The following SGCZ variants were observed in gnomAD, a reference collection of about 807,000 sequenced individuals.
SGCZ encodes the protein zeta-sarcoglycan.
In SGCZ, 40 loss-of-function variants were observed where a neutral mutation model predicts 41.3. That is an observed-to-expected ratio of 0.97 (90% CI 0.75 to 1.26). The LOEUF (loss-of-function observed/expected upper bound fraction) is 1.26, where lower values mean the gene tolerates loss of function less well. SGCZ is among the 50% of genes most tolerant of loss of function. The pLI is 0.00. For missense variants in SGCZ, 552 were observed against 369.8 expected (o/e 1.49, Z -4.04); for synonymous variants, 206 against 137.5 (o/e 1.50, Z -3.49).
chr8:14,709,930 C>T (rs1342918477), intron 1 of SGCZ, among the ~76,000 whole-genome samples: 1 of 152,088 alleles, frequency 6.6e-6, no homozygotes, highest in African/African-American at 2.4e-5. Context: ...ATATTATGTA[C>T]CTGTTGAAGT....
At chr8:14,417,681 G>A (rs1433889830) in intron 2 of SGCZ, among the ~76,000 whole-genome samples, 1 of 151,698 alleles carries the variant, frequency 6.6e-6, no homozygotes, top group African/African-American at 2.4e-5. Context: ...ATAACGTATT[G>A]TACTCTTGAA....
intron 2 of SGCZ, among the ~76,000 whole-genome samples, chr8:14,384,513 AAAT>A (rs1383942382): frequency 6.6e-6 from 1 of 152,184 alleles, no homozygotes; most frequent in Non-Finnish European, 1.5e-5. Flanking sequence ...TTTATTTAAA[AAAT>A]AATCCTTTAG....
chr8:15,132,749 C>T (rs1807959217), intron 1 of SGCZ, among the ~76,000 whole-genome samples: 1 of 152,150 alleles, frequency 6.6e-6, no homozygotes, highest in Non-Finnish European at 1.5e-5. Context: ...CATGTGTTTA[C>T]ACCATGGCAG....
intron 1 of SGCZ, among the ~76,000 whole-genome samples, chr8:14,672,814 T>C (rs576979310): frequency 2.0e-5 from 3 of 148,914 alleles, no homozygotes; most frequent in Non-Finnish European, 3.0e-5. Flanking sequence ...CTTTTACTCA[T>C]AGAGTATGAA....
At chr8:14,798,892 T>C (rs923606530) in intron 1 of SGCZ, among the ~76,000 whole-genome samples, 7 of 150,918 alleles carry the variant, frequency 4.6e-5, no homozygotes, top group African/African-American at 1.7e-4. Context: ...TGCTTTTTAA[T>C]ATGTTACATA....
intron 1 of SGCZ, among the ~76,000 whole-genome samples, chr8:14,935,855 G>T (rs1800065114): frequency 6.6e-6 from 1 of 151,438 alleles, no homozygotes; most frequent in African/African-American, 2.4e-5. Context: ...TAAATCAGAA[G>T]AACTCAAAGT....
intron 1 of SGCZ, among the ~76,000 whole-genome samples, chr8:14,811,491 T>C (rs969047028): frequency 8.0e-6 from 1 of 125,162 alleles, no homozygotes; most frequent in African/African-American, 3.0e-5. Context: ...TTGCCTACCA[T>C]GAAACATTCG....
At chr8:15,060,247 T>C (rs1183688570) in intron 1 of SGCZ, among the ~76,000 whole-genome samples, 1 of 152,022 alleles carries the variant, frequency 6.6e-6, no homozygotes, top group African/African-American at 2.4e-5. Context: ...CTACTCACAA[T>C]AGCAAAGACT....
chr8:14,272,974 C>T (rs936750305), intron 3 of SGCZ, among the ~76,000 whole-genome samples: 62 of 151,326 alleles, frequency 4.1e-4, no homozygotes, highest in African/African-American at 1.1e-3. Context: ...GTGTGAATGT[C>T]GAATTAGAAA....
At chr8:14,274,600 C>A (rs962383482) in intron 3 of SGCZ, among the ~76,000 whole-genome samples, 10 of 152,062 alleles carry the variant, frequency 6.6e-5, no homozygotes, top group Non-Finnish European at 1.2e-4. Context: ...ATATAACAAT[C>A]TCCTTCAAAA....
intron 1 of SGCZ, among the ~76,000 whole-genome samples, chr8:14,830,045 C>A (rs531443366): frequency 9.2e-5 from 14 of 152,236 alleles, no homozygotes; most frequent in Admixed American, 5.9e-4. Flanking sequence ...CGCCTGACCT[C>A]GTGATCTGCA....
chr8:14,215,794 G>A (rs901141967), intron 4 of SGCZ, among the ~76,000 whole-genome samples: 1 of 152,000 alleles, frequency 6.6e-6, no homozygotes, highest in African/African-American at 2.4e-5. Context: ...TAAAACAAAC[G>A]AAAAAGACCC....
intron 5 of SGCZ, among the ~76,000 whole-genome samples, chr8:14,114,101 C>G (rs1428525665): frequency 4.6e-5 from 7 of 152,046 alleles, no homozygotes; most frequent in Non-Finnish European, 8.8e-5. Context: ...CAGTAACTTA[C>G]GACTTTCTTG....
intron 1 of SGCZ, among the ~76,000 whole-genome samples, chr8:15,093,140 T>G (rs934359513): frequency 6.6e-5 from 10 of 152,084 alleles, no homozygotes; most frequent in African/African-American, 2.4e-4. Context: ...ATCAATGAAA[T>G]CACTTCTCTG....
At chr8:15,205,551 G>T (rs767792613) in intron 1 of SGCZ, among the ~76,000 whole-genome samples, 8 of 152,090 alleles carry the variant, frequency 5.3e-5, no homozygotes, top group Non-Finnish European at 1.2e-4. Flanking sequence ...AAACCACAGA[G>T]AGATACCATC....
At chr8:14,618,558 A>G (rs1236478207) in intron 1 of SGCZ, among the ~76,000 whole-genome samples, 1 of 152,230 alleles carries the variant, frequency 6.6e-6, no homozygotes, top group Non-Finnish European at 1.5e-5. Flanking sequence ...AAGAGTGGAA[A>G]TAGGTCAGGC....
At chr8:14,965,967 C>T (rs972128147) in intron 1 of SGCZ, among the ~76,000 whole-genome samples, 1 of 151,970 alleles carries the variant, frequency 6.6e-6, no homozygotes, top group African/African-American at 2.4e-5. Flanking sequence ...GATTTAAAAA[C>T]CTACAGAATG....
At chr8:15,144,103 T>C (rs1416285913) in intron 1 of SGCZ, among the ~76,000 whole-genome samples, 1 of 152,062 alleles carries the variant, frequency 6.6e-6, no homozygotes, top group Non-Finnish European at 1.5e-5. Flanking sequence ...CTTAGCAAAA[T>C]ATCTGTTTCA....
intron 1 of SGCZ, among the ~76,000 whole-genome samples, chr8:14,975,122 T>C (rs1008466771): frequency 1.3e-5 from 2 of 151,976 alleles, no homozygotes; most frequent in African/African-American, 2.4e-5. Context: ...CTGGCTAACA[T>C]GGTGAAACCG....
Sources: gnomAD v4.1 joint callset for allele counts (sites outside exome capture counted in the v4.1 genomes callset) on GRCh38, gnomAD v4.1.1 for gene constraint, MANE v1.5 for transcripts, NCBI Gene and HGNC (gene_info 2026-07-23, HGNC 2026-07-21) for gene names.